Variants in JARID2 observed in about 807,000 individuals in gnomAD.
JARID2 encodes protein Jumonji.
In JARID2, 21 loss-of-function variants were observed where a neutral mutation model predicts 125.6. The ratio of observed to expected loss-of-function variants is 0.17; its 90% CI spans 0.12 to 0.24. JARID2 has a LOEUF of 0.24. Among genes scored for constraint, JARID2 ranks in the 10% least tolerant of loss-of-function variants. The pLI, the probability that JARID2 is intolerant of heterozygous loss-of-function variation, is 1.00. For missense variants in JARID2, 1,303 were observed against 1,639.6 expected (o/e 0.79, Z 3.55); for synonymous variants, 736 against 661.6 (o/e 1.11, Z -1.73).
chr6:15,396,023 T>C (rs1269107783), intron 2 of JARID2, among the ~76,000 whole-genome samples: 1 of 152,216 alleles, frequency 6.6e-6, no homozygotes, highest in Non-Finnish European at 1.5e-5. Flanking sequence ...AAACAGCTTT[T>C]TTGTGATTCT....
chr6:15,427,850 C>T (rs1039792963), intron 3 of JARID2, among the ~76,000 whole-genome samples: 5 of 150,724 alleles, frequency 3.3e-5, no homozygotes, highest in African/African-American at 1.2e-4. Flanking sequence ...TTGTGGTTCA[C>T]ATGTGAGTGC....
chr6:15,496,012 C>T, intron 6 of JARID2, 120 bp from the exon 7 acceptor site: 1 of 781,302 alleles, frequency 1.3e-6, no homozygotes, highest in East Asian at 2.4e-5. Context: ...TATCACACTA[C>T]AGGCTGCTGG....
intron 3 of JARID2, among the ~76,000 whole-genome samples, chr6:15,441,840 G>A (rs1767459049): frequency 6.6e-6 from 1 of 151,900 alleles, no homozygotes. Context: ...TGCCCAGCCT[G>A]GAGTGCAATG....
chr6:15,455,639 C>G (rs1768129214), intron 4 of JARID2, among the ~76,000 whole-genome samples: 1 of 152,322 alleles, frequency 6.6e-6, no homozygotes, highest in African/African-American at 2.4e-5. Context: ...TCAAGTGATT[C>G]TCCTGCCTCA....
chr6:15,364,128 T>C (rs553700869), intron 1 of JARID2, among the ~76,000 whole-genome samples: 3 of 152,152 alleles, frequency 2.0e-5, no homozygotes, highest in South Asian at 2.1e-4. Flanking sequence ...GGGGTAGTTA[T>C]TGTTCAACCA....
chr6:15,290,785 A>G (rs568333290), intron 1 of JARID2, among the ~76,000 whole-genome samples: 3 of 151,818 alleles, frequency 2.0e-5, no homozygotes, highest in Non-Finnish European at 2.9e-5. Flanking sequence ...CGCCCAGTTA[A>G]TTTTTTTTGT....
At chr6:15,508,553 G>T in intron 12 of JARID2, 99 bp downstream of exon 12, 1 of 722,088 alleles carries the variant, frequency 1.4e-6, no homozygotes, top group East Asian at 2.6e-5. Context: ...GTGGTTCCAC[G>T]TGCTTGAGAA....
intron 2 of JARID2, among the ~76,000 whole-genome samples, chr6:15,380,524 T>C (rs1216619493): frequency 6.6e-6 from 1 of 152,194 alleles, no homozygotes; most frequent in Non-Finnish European, 1.5e-5. Context: ...TTCCATTTCC[T>C]CACTTAGAGT....
chr6:15,322,431 G>C (rs1762391534), intron 1 of JARID2, among the ~76,000 whole-genome samples: 1 of 152,212 alleles, frequency 6.6e-6, no homozygotes, highest in Non-Finnish European at 1.5e-5. Context: ...CACCCAGTGT[G>C]TTTTGTCTGT....
intron 2 of JARID2, among the ~76,000 whole-genome samples, chr6:15,395,814 A>G (rs1015590620): frequency 6.6e-6 from 1 of 151,482 alleles, no homozygotes; most frequent in Non-Finnish European, 1.5e-5. Context: ...ACAGGTGTGC[A>G]CCACCATGCC....
chr6:15,247,533 CTT>C (rs67284836), intron 1 of JARID2: 86,423 of 809,534 alleles, frequency 0.11, 3,892 homozygotes, highest in Admixed American at 0.12. Flanking sequence ...TTAAATAACT[CTT>C]TTTTTTTTTC....
chr6:15,355,738 A>G (rs930473146), intron 1 of JARID2, among the ~76,000 whole-genome samples: 1 of 152,012 alleles, frequency 6.6e-6, no homozygotes, highest in Non-Finnish European at 1.5e-5. Flanking sequence ...CGGTCTCCAG[A>G]GGAGGTGGGA....
At chr6:15,470,727 G>A (rs575737564) in intron 5 of JARID2, among the ~76,000 whole-genome samples, 1 of 152,320 alleles carries the variant, frequency 6.6e-6, no homozygotes, top group African/African-American at 2.4e-5. Context: ...CAGGGCATCT[G>A]GGTGGTTGGA....
In JARID2 at chr6:15,395,212, AC is replaced by A. The variant is rs555386553; in HGVS notation, c.182-15011del. The stretch of plus-strand genomic sequence containing the variant: ...AATCACACTAGCAGCATATGAGAGT[AC>A]TACTTTTGTCAGAGTCAGAAATTCG... On this transcript the variant is annotated intron_variant, in intron 2 of 17. Coordinates refer to ENST00000341776, the MANE Select transcript of JARID2 (RefSeq NM_004973.4). 2.0e-5 allele frequency among the ~76,000 whole-genome samples: 3 copies of A among 152,260 alleles called. No individual in the cohort carries two copies. The South Asian group carries it at 6.2e-4, about 32-fold the overall frequency.
intron 2 of JARID2, among the ~76,000 whole-genome samples, chr6:15,380,954 CCCTT>C (rs1416643201): frequency 6.6e-6 from 1 of 152,078 alleles, no homozygotes; most frequent in Non-Finnish European, 1.5e-5. Flanking sequence ...GAACACCTGT[CCCTT>C]CTGTTTTTGC....
intron 3 of JARID2, among the ~76,000 whole-genome samples, chr6:15,421,632 C>T (rs180928381): frequency 1.5e-3 from 221 of 152,154 alleles, no homozygotes; most frequent in African/African-American, 4.9e-3. Flanking sequence ...AAATTTTTAC[C>T]TTAATTCTTT....
intron 6 of JARID2, 81 bp downstream of exon 6, chr6:15,487,623 A>G (rs1769943228): frequency 1.6e-6 from 2 of 1,226,566 alleles, no homozygotes; most frequent in Admixed American, 2.7e-5. Context: ...ATTCATCTTC[A>G]GAGGGCTCAA....
chr6:15,297,572 C>T (rs965092713), intron 1 of JARID2, among the ~76,000 whole-genome samples: 3 of 151,394 alleles, frequency 2.0e-5, no homozygotes, highest in African/African-American at 7.3e-5. Flanking sequence ...AACTCCTGGC[C>T]TCAAGCAGTC....
At chr6:15,327,528 AGTGTGTGTGTGTGTGT>A (rs10577382) in intron 1 of JARID2, among the ~76,000 whole-genome samples, 1 of 149,270 alleles carries the variant, frequency 6.7e-6, no homozygotes, top group Admixed American at 6.7e-5. Flanking sequence ...ATTCTGGAAG[AGTGTGTGTGTGTGTGT>A]GTGTGTGCGC....
Sources: gnomAD v4.1 joint callset for allele counts (sites outside exome capture counted in the v4.1 genomes callset) on GRCh38, gnomAD v4.1.1 for gene constraint, MANE v1.5 for transcripts, NCBI Gene and HGNC (gene_info 2026-07-23, HGNC 2026-07-21) for gene names.